Variants in PTPRD observed in about 807,000 individuals in gnomAD.
PTPRD encodes the protein protein tyrosine phosphatase receptor type D.
PTPRD carries 34 observed loss-of-function variants against 214.5 expected under a neutral mutation model. The ratio of observed to expected loss-of-function variants is 0.16; its 90% CI spans 0.12 to 0.21. PTPRD has a LOEUF of 0.21. Ranked by LOEUF, PTPRD falls within the 10% of genes least tolerant of loss-of-function variation. The pLI, the probability that PTPRD is intolerant of heterozygous loss-of-function variation, is 1.00. For missense variants in PTPRD, 2,545 were observed against 2,398.7 expected (o/e 1.06, Z -1.27); for synonymous variants, 1,128 against 845.7 (o/e 1.33, Z -5.79).
intron 3 of PTPRD, among the ~76,000 whole-genome samples, chr9:10,172,365 A>G (rs2099214486): frequency 6.6e-6 from 1 of 152,190 alleles, no homozygotes; most frequent in African/African-American, 2.4e-5. Context: ...TTGTATTTTG[A>G]TCTTATTAAA....
At chr9:9,904,688 A>G (rs1251648906) in intron 5 of PTPRD, among the ~76,000 whole-genome samples, 1 of 152,060 alleles carries the variant, frequency 6.6e-6, no homozygotes, top group Non-Finnish European at 1.5e-5. Context: ...AGATAAACAT[A>G]AGGCAAAATA....
chr9:8,509,240 G>A (rs1488364238), intron 21 of PTPRD, among the ~76,000 whole-genome samples: 2 of 152,064 alleles, frequency 1.3e-5, no homozygotes, highest in Non-Finnish European at 1.5e-5. Context: ...AAAGCAAATG[G>A]AAAATGCATT....
At chr9:9,950,946 T>A (rs776516698) in intron 4 of PTPRD, among the ~76,000 whole-genome samples, 23 of 152,284 alleles carry the variant, frequency 1.5e-4, no homozygotes, top group Non-Finnish European at 2.6e-4. Context: ...AAATCAGGCA[T>A]AGCAGCAGAA....
chr9:9,928,757 T>TACACACACACACACACACACAC lies in PTPRD; in HGVS notation c.-368+9728_-368+9749dup, dbSNP rs60820386. Among the ~76,000 whole-genome samples, 330 of 147,218 alleles carry TACACACACACACACACACACAC rather than the reference T, an allele frequency of 2.2e-3. 4 individuals carry two copies. The highest frequency in any genetic ancestry group is 6.0e-3 in the African/African-American group (241 of 39,854). On this transcript the variant is annotated intron_variant, in intron 5 of 45. Transcript: ENST00000381196. ...ACAGTAGCAGTCATCTCTCTCTCTA[T>TACACACACACACACACACACAC]ACACACACACACACACACACACACA...
At chr9:10,427,648 C>A (rs2098635067) in intron 2 of PTPRD, among the ~76,000 whole-genome samples, 1 of 152,064 alleles carries the variant, frequency 6.6e-6, no homozygotes, top group African/African-American at 2.4e-5. Context: ...CCTGAGCGGA[C>A]ATGTAGTTTC....
intron 8 of PTPRD, among the ~76,000 whole-genome samples, chr9:9,442,784 C>T (rs1419345579): frequency 2.6e-5 from 4 of 151,932 alleles, no homozygotes; most frequent in Non-Finnish European, 4.4e-5. Context: ...CTTCTTTTGG[C>T]GGTGGTTTTA....
At chr9:9,120,464 C>T (rs757888182) in intron 10 of PTPRD, among the ~76,000 whole-genome samples, 42 of 152,300 alleles carry the variant, frequency 2.8e-4, no homozygotes, top group Non-Finnish European at 4.6e-4. Context: ...TGTATACATA[C>T]GTGACATATG....
chr9:9,575,903 T>A (rs78717156), intron 7 of PTPRD, among the ~76,000 whole-genome samples: 2,709 of 151,962 alleles, frequency 0.018, 47 homozygotes, highest in Middle Eastern at 0.027. Context: ...AGATACTATT[T>A]TATATGAACA....
At chr9:9,788,382 C>T (rs3118012) in intron 5 of PTPRD, among the ~76,000 whole-genome samples, 116,577 of 150,234 alleles carry the variant, frequency 0.78, 46,216 homozygotes, top group African/African-American at 0.91. Context: ...AAACCCCGTC[C>T]CTACTAAAAA....
intron 3 of PTPRD, among the ~76,000 whole-genome samples, chr9:10,046,945 T>C (rs1279258117): frequency 3.3e-5 from 5 of 151,978 alleles, no homozygotes; most frequent in Admixed American, 2.0e-4. Context: ...CAAAGTGAAA[T>C]ATTTTATTGA....
intron 4 of PTPRD, among the ~76,000 whole-genome samples, chr9:10,010,243 A>G (rs1054416834): frequency 3.9e-5 from 6 of 151,948 alleles, no homozygotes; most frequent in African/African-American, 1.4e-4. Context: ...CCTCAGGGCA[A>G]AGAGACTGAG....
At chr9:9,007,922 T>A (rs10977441) in intron 11 of PTPRD, among the ~76,000 whole-genome samples, 1,459 of 145,652 alleles carry the variant, frequency 0.01, 14 homozygotes, top group African/African-American at 0.013. Flanking sequence ...GCATTTTTTT[T>A]AAATTTTATT....
chr9:9,293,144 C>T lies in PTPRD; in HGVS notation c.-203+104305G>A, dbSNP rs563619326. ...TTTACCTTCTTGAGAGTGAAATAAC[C>T]ACATAAATTATTTAGAATTCTTCTG... On this transcript the variant is annotated intron_variant, in intron 9 of 45. Coordinates refer to ENST00000381196, the MANE Select transcript of PTPRD (RefSeq NM_002839.4). 1.7e-4 allele frequency among the ~76,000 whole-genome samples: 26 copies of T among 151,594 alleles called. No individual in the cohort carries two copies. The South Asian group carries it at 4.4e-3, about 25-fold the overall frequency.
chr9:9,764,522 T>C (rs1597157821), intron 6 of PTPRD, among the ~76,000 whole-genome samples: 2 of 152,294 alleles, frequency 1.3e-5, no homozygotes, highest in East Asian at 3.9e-4. Context: ...TATATTAGAA[T>C]CATTCCTCTT....
chr9:10,199,617 T>C (rs1394325582), intron 3 of PTPRD, among the ~76,000 whole-genome samples: 2 of 152,098 alleles, frequency 1.3e-5, no homozygotes, highest in African/African-American at 2.4e-5. Flanking sequence ...TTAAATATTA[T>C]ATTATTCTCA....
At chr9:9,955,658 G>A (rs986064051) in intron 4 of PTPRD, among the ~76,000 whole-genome samples, 1 of 151,794 alleles carries the variant, frequency 6.6e-6, no homozygotes, top group South Asian at 2.1e-4. Flanking sequence ...CAAGTAGCTG[G>A]GACTACAGGT....
intron 5 of PTPRD, among the ~76,000 whole-genome samples, chr9:9,912,172 C>G (rs2079381610): frequency 6.6e-6 from 1 of 151,892 alleles, no homozygotes; most frequent in Non-Finnish European, 1.5e-5. Flanking sequence ...AAAGTGAAAG[C>G]AAATAAATAC....
intron 10 of PTPRD, among the ~76,000 whole-genome samples, chr9:9,021,925 A>G (rs553245496): frequency 6.6e-6 from 1 of 151,868 alleles, no homozygotes. Context: ...GCTTACAATG[A>G]GAACACGTGG....
chr9:9,908,306 A>C (rs1260293781), intron 5 of PTPRD, among the ~76,000 whole-genome samples: 1 of 151,930 alleles, frequency 6.6e-6, no homozygotes, highest in East Asian at 1.9e-4. Context: ...AATAGTATCA[A>C]TAGCTGGTAT....
Sources: allele counts gnomAD v4.1 joint callset (sites outside exome capture counted in the v4.1 genomes callset), GRCh38; gene constraint gnomAD v4.1.1; transcripts MANE v1.5; gene names NCBI Gene and HGNC (gene_info 2026-07-23, HGNC 2026-07-21).